The following PLK4 variants were observed in gnomAD, a reference collection of about 807,000 sequenced individuals.
PLK4 encodes serine/threonine-protein kinase PLK4.
PLK4 carries 51 observed loss-of-function variants against 103.0 expected under a neutral mutation model. The ratio of observed to expected loss-of-function variants is 0.50; its 90% confidence interval spans 0.40 to 0.63. The LOEUF is 0.63. PLK4 is among the 20% of genes least tolerant of loss of function. The pLI is 0.00. For synonymous variants in PLK4, 389 were observed against 376.8 expected (o/e 1.03, Z -0.38); for missense variants, 1,054 against 1,151.0 (o/e 0.92, Z 1.22).
At position 127,898,850 on chromosome 4, in the gene PLK4, T is replaced by C; in HGVS notation, c.*309T>C. 1 of 196,606 alleles carries C rather than the reference T, an allele frequency of 5.1e-6. No individual in the cohort carries two copies. Among genetic ancestry groups the C allele is most frequent in the Non-Finnish European group, 1.0e-5 (1 of 97,386 alleles). The allele number at this position is 196,606 out of a possible 1,614,324, so 12.2% of individuals were successfully genotyped here. A position where few individuals can be genotyped will look rare whatever the true frequency, so the allele number is the denominator to read the frequency against. On this transcript the variant is annotated 3_prime_UTR_variant, in exon 16 of 16. Transcript: ENST00000270861. ...AAAATGTAAATGATGTGTAGTTTATTTGTGCTTTTATTGTTTTCCCTGCGT... is the reference window on the plus strand; with the variant it reads ...AAAATGTAAATGATGTGTAGTTTATCTGTGCTTTTATTGTTTTCCCTGCGT...
At position 127,886,582 on chromosome 4, in the gene PLK4, G is replaced by A; in HGVS notation, c.1212G>A (p.Met404Ile). 1 of 1,614,136 alleles carries A rather than the reference G, an allele frequency of 6.2e-7. No homozygotes were observed. The highest frequency in any genetic ancestry group is 8.5e-7 in the Non-Finnish European group (1 of 1,179,986). ...TGGAACGATGTCACTCAGCAGAAAT[G>A]CTTTCAGTGTCCAAAAGATCAGGAG... ...YTMERCHSAE[M>I]LSVSKRSGGG... Residue 404 changes from methionine (M) to isoleucine (I), a missense_variant, in exon 5 of 16, where the codon ATG (methionine) becomes ATA (isoleucine). Met to Ile is a conservative substitution (Grantham distance 10). Transcript: ENST00000270861.
intron 13 of PLK4, among the ~76,000 whole-genome samples, chr4:127,894,235 GT>G (rs930091208): frequency 1.4e-4 from 20 of 146,590 alleles, no homozygotes; most frequent in Admixed American, 6.8e-4. Flanking sequence ...TACATATGTA[GT>G]TTTTTTTTTT....
At position 127,883,348 on chromosome 4, in the gene PLK4, T is replaced by C; in HGVS notation, c.213T>C (p.Ser71=). ...VKIHCQLKHP[S]ILELYNYFED... is the part of the protein sequence containing the mutation. Reference sequence around the variant, plus strand: ...TACATTGCCAATTGAAACATCCTTCTATCTTGGAGGTAAGATATAAATTTT... The same window carrying C: ...TACATTGCCAATTGAAACATCCTTCCATCTTGGAGGTAAGATATAAATTTT... The change falls in exon 3 of 16, where the codon TCT becomes TCC. Residue 71 remains serine (S), a synonymous_variant. Coordinates refer to ENST00000270861, the MANE Select transcript of PLK4 (RefSeq NM_014264.5). 2 of 1,580,028 alleles carry C rather than the reference T, an allele frequency of 1.3e-6. No individual in the cohort carries two copies. The highest frequency in any genetic ancestry group is 1.7e-6 in the Non-Finnish European group (2 of 1,149,498).
At chr4:127,895,448 C>CTTTTTT (rs1450219933) in intron 14 of PLK4, among the ~76,000 whole-genome samples, 3 of 75,280 alleles carry the variant, frequency 4.0e-5, no homozygotes, top group African/African-American at 1.8e-4. Flanking sequence ...AGTAGAGTAA[C>CTTTTTT]TTTCTTTTTT....
At position 127,894,829 on chromosome 4, in the gene PLK4, G is replaced by A. The variant is rs11730951; in HGVS notation, c.2563-124G>A. On this transcript the variant is annotated intron_variant, in intron 13 of 15. Transcript: ENST00000270861. ...TTTCCAATAATGTGGTTATATTTTC[G>A]TTAAAAAATGTTTGTTTTTAAAAAA... is the stretch of plus-strand genomic sequence containing the variant. 3,876 of 578,278 alleles carry A rather than the reference G, an allele frequency of 6.7e-3. 25 individuals are homozygous for A. Among genetic ancestry groups the A allele is most frequent in the Non-Finnish European group, 8.8e-3 (3,149 of 358,692 alleles). 35.8% of individuals were successfully genotyped at this position (578,278 alleles called of 1,614,324 possible).
Position 127,886,489 on chromosome 4 carries a change from T to G in PLK4, c.1119T>G (p.Leu373=). Residue 373 remains leucine, a synonymous_variant, in exon 5 of 16, where the codon CTT becomes CTG. Coordinates refer to ENST00000270861, the MANE Select transcript of PLK4 (RefSeq NM_014264.5). ...AAGAAAGGCCACATTCTCGATACCT[T>G]CGTAGAGCTTATTCCTCTGATAGAT... ...DAEERPHSRY[L]RRAYSSDRSG... is the part of the protein sequence containing the mutation. The G allele has an allele frequency of 6.2e-7, 1 of 1,613,994 alleles. No homozygotes were observed. The highest frequency in any genetic ancestry group is 8.5e-7 in the Non-Finnish European group (1 of 1,179,866).
At chr4:127,894,722 G>A (rs1310798828) in intron 13 of PLK4, among the ~76,000 whole-genome samples, 2 of 152,108 alleles carry the variant, frequency 1.3e-5, no homozygotes, top group African/African-American at 2.4e-5. Flanking sequence ...CATGCCATGG[G>A]ATAAAAAGAT....
Position 127,893,314 on chromosome 4 carries a change from A to C in PLK4, c.2218A>C (p.Ile740Leu). Residue 740 changes from isoleucine (I) to leucine (L), a missense_variant, in exon 11 of 16, where the codon ATT (isoleucine) becomes CTT (leucine). Coordinates refer to ENST00000270861, the MANE Select transcript of PLK4 (RefSeq NM_014264.5). ...GVKIHKTEDF[I>L]QVIEKTGKSY... ...AAAAATACACAAAACAGAAGATTTC[A>C]TTCAGGTGATTGAAAAGACAGGGAA... The C allele has an allele frequency of 6.3e-7, 1 of 1,596,956 alleles. No individual in the cohort carries two copies. The highest frequency in any genetic ancestry group is 8.6e-7 in the Non-Finnish European group (1 of 1,169,274).
intron 10 of PLK4, 181 bp downstream of exon 10, chr4:127,892,695 T>G: frequency 2.0e-6 from 1 of 494,318 alleles, no homozygotes; most frequent in Non-Finnish European, 3.5e-6. Flanking sequence ...TATCTAGCCT[T>G]CCTTTAAACA....
Position 127,893,361 on chromosome 4 carries a change from A to C in PLK4, c.2265A>C (p.Glu755Asp), listed in dbSNP as rs763110295. The C allele has an allele frequency of 4.4e-6, 7 of 1,607,340 alleles. No homozygotes were observed. The highest frequency in any genetic ancestry group is 5.1e-6 in the Non-Finnish European group (6 of 1,174,600). Residue 755 changes from glutamate (E) to aspartate (D), a missense_variant, in exon 11 of 16, where the codon GAA becomes GAC. Coordinates refer to ENST00000270861, the MANE Select transcript of PLK4 (RefSeq NM_014264.5). ...GGAAGTCTTACACTTTAAAAAGTGA[A>C]AGTGAAGTTAATAGCTTGAAAGAGG... ...KTGKSYTLKS[E>D]SEVNSLKEEI...
Position 127,891,651 on chromosome 4 carries a change from A to T in PLK4, c.2008A>T (p.Ile670Phe), listed in dbSNP as rs774365705. The part of the protein sequence containing the change: ...ADRPPSPTDN[I>F]SRYSFDNLPE... The stretch of plus-strand genomic sequence containing the variant: ...TAGACCACCCTCACCTACTGACAAC[A>T]TCAGTAGGTACAGCTTTGACAATTT... The change falls in exon 9 of 16, where the codon ATC (isoleucine) becomes TTC (phenylalanine). Residue 670 changes from isoleucine (I) to phenylalanine (F), a missense_variant. Coordinates refer to ENST00000270861, the MANE Select transcript of PLK4 (RefSeq NM_014264.5). The T allele has an allele frequency of 6.6e-7, 1 of 1,522,520 alleles. No individual in the cohort carries two copies. Among genetic ancestry groups the T allele is most frequent in the East Asian group, 2.3e-5 (1 of 42,904 alleles). The allele number at this position is 1,522,520 out of a possible 1,614,324, so 94.3% of individuals were successfully genotyped here.
Position 127,886,252 on chromosome 4 carries a change from T to G in PLK4, c.882T>G (p.Ile294Met). ...GGCATGCCACAATTTCTACTGCAAT[T>G]ACAGCTTCTTCCAGTACCAGTATAA... is the stretch of plus-strand genomic sequence containing the variant. ...DSGHATISTA[I>M]TASSSTSISG... The change falls in exon 5 of 16, where the codon ATT becomes ATG. Residue 294 changes from isoleucine (I) to methionine (M), a missense_variant. Transcript: ENST00000270861. 1 of 1,613,982 alleles carries G rather than the reference T, an allele frequency of 6.2e-7. No homozygotes were observed. The highest frequency in any genetic ancestry group is 8.5e-7 in the Non-Finnish European group (1 of 1,179,838).
In PLK4 at chr4:127,891,249, G is replaced by A. The variant is rs188176836; in HGVS notation, c.1935+53G>A. 3.0e-4 allele frequency: 271 copies of A among 893,436 alleles called. 2 individuals carry two copies. The African/African-American group carries it at 3.9e-3, about 13-fold the overall frequency. 55.3% of individuals were successfully genotyped at this position (893,436 alleles called of 1,614,324 possible). A position where few individuals can be genotyped will look rare whatever the true frequency, so the allele number is the denominator to read the frequency against. ...CAACTTCAAATTATCGTTTAAGCAC[G>A]TTTAGCATTCTAATTCATTTTACAA... On this transcript the variant is annotated intron_variant, in intron 8 of 15. Coordinates refer to ENST00000270861, the MANE Select transcript of PLK4 (RefSeq NM_014264.5).
At chr4:127,898,252 T>A (rs1190910444) in intron 15 of PLK4, among the ~76,000 whole-genome samples, 187 bp from the exon 16 acceptor site, 1 of 152,218 alleles carries the variant, frequency 6.6e-6, no homozygotes, top group Non-Finnish European at 1.5e-5. Flanking sequence ...GAAAATGGTC[T>A]GTTTTAAAAG....
In PLK4 at chr4:127,883,401, T is replaced by G. The variant is rs200728200; in HGVS notation, c.223-38T>G. The G allele has an allele frequency of 3.0e-4, 422 of 1,413,974 alleles. 2 individuals carry two copies. Among genetic ancestry groups the G allele is most frequent in the South Asian group, 1.1e-3 (95 of 85,032 alleles). The allele number at this position is 1,413,974 out of a possible 1,614,324, so 87.6% of individuals were successfully genotyped here. A position where few individuals can be genotyped will look rare whatever the true frequency, so the allele number is the denominator to read the frequency against. The stretch of plus-strand genomic sequence containing the variant: ...AGAAGTGACCAAGGACACTGAATTT[T>G]TGTATATTTTAATTTATTATGCCCT... On this transcript the variant is annotated intron_variant, in intron 3 of 15. Coordinates refer to ENST00000270861, the MANE Select transcript of PLK4 (RefSeq NM_014264.5).
At chr4:127,881,366 G>A in intron 1 of PLK4, 1 of 1,438,750 alleles carries the variant, frequency 7.0e-7, no homozygotes, top group Non-Finnish European at 9.1e-7. Context: ...GGGAAGGCGG[G>A]ACAGGTGAGT....
At chr4:127,883,759 G>T (rs1255534009) in intron 4 of PLK4, among the ~76,000 whole-genome samples, 1 of 152,146 alleles carries the variant, frequency 6.6e-6, no homozygotes, top group Non-Finnish European at 1.5e-5. Flanking sequence ...TAAGAAATTT[G>T]TTATCCTTCT....
intron 13 of PLK4, among the ~76,000 whole-genome samples, chr4:127,894,235 G>GT (rs930091208): frequency 1.5e-3 from 219 of 146,354 alleles, no homozygotes; most frequent in Middle Eastern, 7.0e-3. Flanking sequence ...TACATATGTA[G>GT]TTTTTTTTTT....
chr4:127,881,030 G>T lies in PLK4; in HGVS notation c.-105G>T. 7.5e-7 allele frequency: 1 copy of T among 1,341,308 alleles called. No homozygotes were observed. 83.1% of individuals were successfully genotyped at this position (1,341,308 alleles called of 1,614,324 possible). ...GTCGCCTGGAGCGGCGGTTTAGAGA[G>T]CCGAGCCTGATGGGCGCCAAGGCCG... On this transcript the variant is annotated 5_prime_UTR_variant, in exon 1 of 16. Coordinates refer to ENST00000270861, the MANE Select transcript of PLK4 (RefSeq NM_014264.5).
Sources: gnomAD v4.1 joint callset for allele counts (sites outside exome capture counted in the v4.1 genomes callset) on GRCh38, gnomAD v4.1.1 for gene constraint, MANE v1.5 for transcripts, NCBI Gene and HGNC (gene_info 2026-07-23, HGNC 2026-07-21) for gene names.